Variants in CCDC178 observed in about 807,000 individuals in gnomAD.
CCDC178 encodes coiled-coil domain-containing protein 178.
In CCDC178, 126 loss-of-function variants were observed where a neutral mutation model predicts 117.4. The observed-to-expected ratio is 1.07, with a 90% CI of 0.93 to 1.24. The LOEUF is 1.24. CCDC178 is among the 50% of genes most tolerant of loss of function. The pLI, the probability that CCDC178 is intolerant of heterozygous loss-of-function variation, is 0.00. For missense variants in CCDC178, 1,030 were observed against 986.9 expected, an observed-to-expected ratio of 1.04 and a Z score of -0.59; for synonymous variants, 283 against 313.4, an observed-to-expected ratio of 0.90 and a Z score of 1.02.
chr18:33,223,327 G>T, intron 17 of CCDC178, 108 bp from the exon 18 acceptor site: 1 of 1,182,950 alleles, frequency 8.5e-7, no homozygotes, highest in Non-Finnish European at 1.1e-6. Flanking sequence ...CATTTATTTT[G>T]GCAAATAAAG....
chr18:33,000,100 C>T (rs958961823), intron 21 of CCDC178, among the ~76,000 whole-genome samples: 7 of 151,282 alleles, frequency 4.6e-5, no homozygotes, highest in African/African-American at 1.2e-4. Context: ...AAAATACCAT[C>T]GAGAAAGAAT....
Position 33,224,892 on chromosome 18 carries a change from T to C in CCDC178, c.1701A>G (p.Lys567=). Residue 567 remains lysine (K), a synonymous_variant, in exon 17 of 23, where the codon AAA becomes AAG. Coordinates refer to ENST00000383096, the MANE Select transcript of CCDC178 (RefSeq NM_001105528.4). ...ATATTGCTCTATTTTTTATAAGCTC[T>C]TTCCGCTCAAGTGCCTGGACTTCGT... ...SIYEVQALER[K]ELIKNRAICA... The C allele has an allele frequency of 1.3e-6, 2 of 1,560,156 alleles. No homozygotes were observed. Among genetic ancestry groups the C allele is most frequent in the Non-Finnish European group, 1.7e-6 (2 of 1,152,094 alleles).
At chr18:33,242,761 T>C (rs2059503389) in intron 15 of CCDC178, among the ~76,000 whole-genome samples, 1 of 151,800 alleles carries the variant, frequency 6.6e-6, no homozygotes, top group South Asian at 2.1e-4. Flanking sequence ...AAATAACAAA[T>C]GCTGGTGAGA....
At chr18:33,175,295 GAAT>G (rs1027886649) in intron 20 of CCDC178, among the ~76,000 whole-genome samples, 48 of 152,178 alleles carry the variant, frequency 3.2e-4, no homozygotes, top group African/African-American at 1.1e-3. Flanking sequence ...ACCTCCACCA[GAAT>G]AATCCCTTAT....
intron 21 of CCDC178, among the ~76,000 whole-genome samples, chr18:33,012,449 AT>A (rs2055890181): frequency 6.6e-6 from 1 of 152,138 alleles, no homozygotes; most frequent in Non-Finnish European, 1.5e-5. Context: ...CATGTATATG[AT>A]TTTTGCCAGC....
chr18:33,397,591 T>C (rs1357464477), intron 3 of CCDC178, among the ~76,000 whole-genome samples: 1 of 152,170 alleles, frequency 6.6e-6, no homozygotes, highest in Non-Finnish European at 1.5e-5. Flanking sequence ...TCCAACAGTA[T>C]GGTAAGATTG....
chr18:33,053,437 G>A (rs2056777654), intron 21 of CCDC178, among the ~76,000 whole-genome samples: 1 of 152,178 alleles, frequency 6.6e-6, no homozygotes, highest in African/African-American at 2.4e-5. Context: ...GACGGACATA[G>A]GTAATACTTT....
intron 21 of CCDC178, among the ~76,000 whole-genome samples, chr18:33,013,068 A>G (rs983085643): frequency 6.6e-6 from 1 of 152,196 alleles, no homozygotes; most frequent in Admixed American, 6.5e-5. Context: ...ATATATTTCA[A>G]TAACACATTT....
chr18:33,322,939 T>C (rs1479762829), intron 11 of CCDC178, among the ~76,000 whole-genome samples: 1 of 150,654 alleles, frequency 6.6e-6, no homozygotes, highest in Non-Finnish European at 1.5e-5. Context: ...CACAGAATCA[T>C]AAAGAAGTTA....
chr18:33,411,817 T>C (rs989170199), intron 3 of CCDC178, among the ~76,000 whole-genome samples: 3 of 152,236 alleles, frequency 2.0e-5, no homozygotes, highest in Middle Eastern at 3.4e-3. Context: ...TCCATAATTA[T>C]AAAATAAACT....
At chr18:33,252,617 C>T (rs2059630060) in intron 14 of CCDC178, among the ~76,000 whole-genome samples, 1 of 151,658 alleles carries the variant, frequency 6.6e-6, no homozygotes, top group South Asian at 2.1e-4. Flanking sequence ...GTATGAAAAA[C>T]ACAGCACCCT....
At position 33,108,538 on chromosome 18, in the gene CCDC178, A is replaced by G. The variant is rs74453466; in HGVS notation, c.2239-15628T>C. On this transcript the variant is annotated intron_variant, in intron 20 of 22. Coordinates refer to ENST00000383096, the MANE Select transcript of CCDC178 (RefSeq NM_001105528.4). The stretch of plus-strand genomic sequence containing the variant: ...TTCCTAACTAGATTTGTTTGTGTCA[A>G]CTATAACAGACAGACTAAACCATTA... 1.4e-4 allele frequency among the ~76,000 whole-genome samples: 21 copies of G among 151,722 alleles called. No homozygotes were observed. In the East Asian group the frequency reaches 3.7e-3, roughly 27 times the overall value.
chr18:33,319,169 C>A (rs996110543), intron 11 of CCDC178, among the ~76,000 whole-genome samples: 1 of 151,820 alleles, frequency 6.6e-6, no homozygotes, highest in African/African-American at 2.4e-5. Context: ...TTAGGTATAT[C>A]TCCTAATGCT....
intron 4 of CCDC178, among the ~76,000 whole-genome samples, chr18:33,390,123 T>C (rs1204904696): frequency 1.3e-5 from 2 of 150,738 alleles, no homozygotes; most frequent in East Asian, 3.9e-4. Context: ...TAATTATAAA[T>C]AAATAAGATA....
intron 3 of CCDC178, among the ~76,000 whole-genome samples, chr18:33,403,644 T>C (rs1482179102): frequency 6.6e-6 from 1 of 152,200 alleles, no homozygotes; most frequent in Middle Eastern, 3.2e-3. Context: ...TGAACGGAAA[T>C]ACTCAACAAT....
intron 2 of CCDC178, among the ~76,000 whole-genome samples, chr18:33,436,584 T>G (rs977287160): frequency 1.3e-5 from 2 of 152,224 alleles, no homozygotes; most frequent in Non-Finnish European, 2.9e-5. Context: ...CTACTGACCC[T>G]TGGCCAATGC....
At chr18:33,404,905 G>A (rs1009231825) in intron 3 of CCDC178, among the ~76,000 whole-genome samples, 31 of 152,052 alleles carry the variant, frequency 2.0e-4, no homozygotes, top group Non-Finnish European at 2.5e-4. Flanking sequence ...AATATCTAGA[G>A]TAAACAAATC....
chr18:32,945,334 T>C (rs1315127728), intron 22 of CCDC178, among the ~76,000 whole-genome samples: 2 of 152,306 alleles, frequency 1.3e-5, no homozygotes, highest in Non-Finnish European at 2.9e-5. Context: ...ACTCCCCAAG[T>C]TTGAAACTTT....
intron 2 of CCDC178, among the ~76,000 whole-genome samples, chr18:33,437,371 G>A (rs1310516470): frequency 6.6e-6 from 1 of 152,178 alleles, no homozygotes; most frequent in African/African-American, 2.4e-5. Context: ...CTTGTTGGTT[G>A]TGTTCTTTTA....
Sources: allele counts gnomAD v4.1 joint callset (sites outside exome capture counted in the v4.1 genomes callset), GRCh38; gene constraint gnomAD v4.1.1; transcripts MANE v1.5; gene names NCBI Gene and HGNC (gene_info 2026-07-23, HGNC 2026-07-21).